Variants in ATP8A1 observed in about 807,000 individuals in gnomAD.
ATP8A1 encodes ATPase phospholipid transporting 8A1.
Under a neutral mutation model 177.7 loss-of-function variants are expected in ATP8A1, and 90 were observed. The ratio of observed to expected loss-of-function variants is 0.51; its 90% CI spans 0.43 to 0.60. The LOEUF is 0.60. Among genes scored for constraint, ATP8A1 ranks in the 20% least tolerant of loss-of-function variants. ATP8A1 has a pLI of 0.00. For synonymous variants in ATP8A1, 493 were observed against 485.9 expected (o/e 1.01, Z -0.19); for missense variants, 1,072 against 1,392.8 (o/e 0.77, Z 3.67).
intron 24 of ATP8A1, among the ~76,000 whole-genome samples, chr4:42,496,823 C>T (rs28520381): frequency 0.23 from 34,441 of 151,718 alleles, 4,109 homozygotes; most frequent in South Asian, 0.38. Context: ...CACATATATA[C>T]GTACATATAT....
chr4:42,466,459 C>A (rs1171441186), intron 25 of ATP8A1, among the ~76,000 whole-genome samples: 2 of 152,180 alleles, frequency 1.3e-5, no homozygotes, highest in Non-Finnish European at 2.9e-5. Flanking sequence ...CAGGAGGCCC[C>A]ACTGCCCTTA....
At chr4:42,543,853 G>T in intron 20 of ATP8A1, 64 bp downstream of exon 20, 1 of 1,182,316 alleles carries the variant, frequency 8.5e-7, no homozygotes, top group Non-Finnish European at 1.2e-6. Context: ...TCCATAGAAT[G>T]CCTAACATAT....
chr4:42,594,189 A>AT, intron 6 of ATP8A1: 1 of 651,170 alleles, frequency 1.5e-6, no homozygotes, highest in South Asian at 2.9e-5. Flanking sequence ...GAGGTTTTAA[A>AT]TTCTTCGTTT....
intron 33 of ATP8A1, among the ~76,000 whole-genome samples, chr4:42,439,703 G>C (rs1399906572): frequency 1.3e-5 from 2 of 152,214 alleles, no homozygotes; most frequent in South Asian, 2.1e-4. Context: ...AAATGGCAGA[G>C]AGAAGAACAT....
At chr4:42,439,202 G>T (rs1334036561) in intron 33 of ATP8A1, among the ~76,000 whole-genome samples, 1 of 152,136 alleles carries the variant, frequency 6.6e-6, no homozygotes, top group Non-Finnish European at 1.5e-5. Context: ...GTTCTCTGAA[G>T]TGGACGCAGT....
At chr4:42,428,534 A>C (rs867322679) in intron 33 of ATP8A1, among the ~76,000 whole-genome samples, 1 of 152,196 alleles carries the variant, frequency 6.6e-6, no homozygotes, top group South Asian at 2.1e-4. Flanking sequence ...TGCTTATCCC[A>C]GTCCAAATAA....
chr4:42,447,640 T>C (rs1014177821), intron 30 of ATP8A1, among the ~76,000 whole-genome samples: 3 of 152,240 alleles, frequency 2.0e-5, no homozygotes, highest in East Asian at 1.9e-4. Context: ...CAGTGATGCA[T>C]GCACATATTC....
chr4:42,478,518 C>G (rs1721321137), intron 25 of ATP8A1, among the ~76,000 whole-genome samples: 1 of 151,778 alleles, frequency 6.6e-6, no homozygotes, highest in African/African-American at 2.4e-5. Flanking sequence ...AATATTTTTT[C>G]TAAGGTGAAA....
chr4:42,625,129 T>A (rs1044499415), intron 3 of ATP8A1: 3 of 152,680 alleles, frequency 2.0e-5, no homozygotes, highest in African/African-American at 7.2e-5. Context: ...ATGAGAGTTT[T>A]AAATTTTTTT....
At chr4:42,555,142 C>CTATCTATCTATCT (rs1730020019) in intron 16 of ATP8A1, among the ~76,000 whole-genome samples, 2 of 63,692 alleles carry the variant, frequency 3.1e-5, no homozygotes, top group Admixed American at 1.5e-4. Context: ...TCTATCTAAT[C>CTATCTATCTATCT]TATCTATCTA....
At chr4:42,496,139 A>T (rs1481468591) in intron 24 of ATP8A1, among the ~76,000 whole-genome samples, 1 of 152,194 alleles carries the variant, frequency 6.6e-6, no homozygotes, top group Non-Finnish European at 1.5e-5. Context: ...CGAGGCATCT[A>T]GTCTCACTTA....
chr4:42,497,351 T>C (rs1031840486), intron 24 of ATP8A1, among the ~76,000 whole-genome samples: 1 of 152,124 alleles, frequency 6.6e-6, no homozygotes, highest in African/African-American at 2.4e-5. Context: ...TGCTGACTCA[T>C]CAGAAGGTAT....
chr4:42,541,403 G>C (rs1728373102), intron 20 of ATP8A1, among the ~76,000 whole-genome samples: 2 of 152,130 alleles, frequency 1.3e-5, no homozygotes, highest in Non-Finnish European at 2.9e-5. Context: ...AGCAACAAAA[G>C]CTCTCATTAA....
intron 24 of ATP8A1, among the ~76,000 whole-genome samples, chr4:42,488,147 A>G (rs1722383486): frequency 6.6e-6 from 1 of 152,224 alleles, no homozygotes; most frequent in African/African-American, 2.4e-5. Flanking sequence ...TAAATGAACA[A>G]ATAAGTCAAT....
chr4:42,418,723 G>A lies in ATP8A1; in HGVS notation c.3306-4005C>T, dbSNP rs572174515. On this transcript the variant is annotated intron_variant, in intron 35 of 36. Transcript: ENST00000381668. ...CATAACCCATGGCTCAAAAGCATGC[G>A]TATTTAGAACATACTTAGATTGATT... 3.0e-4 allele frequency among the ~76,000 whole-genome samples: 46 copies of A among 152,162 alleles called. 1 individual carries two copies. In the South Asian group the frequency reaches 7.9e-3, roughly 26 times the overall value.
chr4:42,410,903 C>CAGA lies in ATP8A1; in HGVS notation c.*2012_*2013insTCT, dbSNP rs1712524107. On this transcript the variant is annotated 3_prime_UTR_variant, in exon 37 of 37. Coordinates refer to ENST00000381668, the MANE Select transcript of ATP8A1 (RefSeq NM_006095.2). ...TCTTCTCTATTAACAGAATTAAACA[C>CAGA]TACAAAGTGTTTCTCTGGAGGGGTG... 6.6e-6 allele frequency: 1 copy of CAGA among 152,194 alleles called. No individual in the cohort carries two copies. The highest frequency in any genetic ancestry group is 1.5e-5 in the Non-Finnish European group (1 of 68,024). 9.4% of individuals were successfully genotyped at this position (152,194 alleles called of 1,614,324 possible). A position where few individuals can be genotyped will look rare whatever the true frequency, so the allele number is the denominator to read the frequency against.
chr4:42,434,227 T>A (rs765713026), intron 33 of ATP8A1, among the ~76,000 whole-genome samples: 4 of 152,208 alleles, frequency 2.6e-5, no homozygotes, highest in Non-Finnish European at 4.4e-5. Flanking sequence ...AATACTATGA[T>A]GTTATTAAGT....
chr4:42,458,387 T>C (rs1381684655), intron 27 of ATP8A1, among the ~76,000 whole-genome samples: 6 of 152,168 alleles, frequency 3.9e-5, no homozygotes, highest in Non-Finnish European at 8.8e-5. Context: ...TTCTGGAAAT[T>C]AGAAACACAA....
At chr4:42,417,932 G>C (rs1713432060) in intron 35 of ATP8A1, among the ~76,000 whole-genome samples, 1 of 152,184 alleles carries the variant, frequency 6.6e-6, no homozygotes, top group Non-Finnish European at 1.5e-5. Context: ...ATGTTGGACA[G>C]AACCATTACC....
Sources: gnomAD v4.1 joint callset for allele counts (sites outside exome capture counted in the v4.1 genomes callset) on GRCh38, gnomAD v4.1.1 for gene constraint, MANE v1.5 for transcripts, NCBI Gene and HGNC (gene_info 2026-07-23, HGNC 2026-07-21) for gene names.